GRID2: variants seen among roughly 807,000 people sequenced by gnomAD.
The protein encoded by GRID2 is glutamate ionotropic receptor delta type subunit 2, also known as glutamate receptor ionotropic, delta-2.
Under a neutral mutation model 114.8 loss-of-function variants are expected in GRID2, and 33 were observed. The observed-to-expected ratio is 0.29, with a 90% CI of 0.22 to 0.38. The LOEUF is 0.38. GRID2 is among the 10% of genes least tolerant of loss of function. GRID2 has a pLI of 1.00. For synonymous variants in GRID2, 505 were observed against 449.9 expected (o/e 1.12, Z -1.55); for missense variants, 1,184 against 1,257.7 (o/e 0.94, Z 0.89).
At chr4:93,672,837 A>G (rs1390623193) in intron 14 of GRID2, among the ~76,000 whole-genome samples, 2 of 152,234 alleles carry the variant, frequency 1.3e-5, no homozygotes, top group Non-Finnish European at 2.9e-5. Context: ...TTTGGAAAAT[A>G]AAAACATTAT....
At chr4:93,676,061 A>C (rs1440604893) in intron 14 of GRID2, among the ~76,000 whole-genome samples, 1 of 152,214 alleles carries the variant, frequency 6.6e-6, no homozygotes, top group Admixed American at 6.5e-5. Flanking sequence ...GAGTTGTCAT[A>C]TTTCAAAATA....
intron 14 of GRID2, among the ~76,000 whole-genome samples, chr4:93,706,406 T>C (rs1337619663): frequency 6.6e-6 from 1 of 152,186 alleles, no homozygotes; most frequent in Non-Finnish European, 1.5e-5. Flanking sequence ...ATCACTGTTT[T>C]ATAGTTGTTT....
intron 14 of GRID2, among the ~76,000 whole-genome samples, chr4:93,768,823 A>G (rs1190785010): frequency 6.6e-6 from 1 of 152,210 alleles, no homozygotes; most frequent in Non-Finnish European, 1.5e-5. Context: ...TAGGAAAGGG[A>G]CACAGAACTA....
chr4:93,620,017 A>G (rs1217059734), intron 13 of GRID2, among the ~76,000 whole-genome samples: 1 of 152,230 alleles, frequency 6.6e-6, no homozygotes, highest in East Asian at 1.9e-4. Flanking sequence ...TTGATCTCAC[A>G]TTCCAAATCT....
intron 1 of GRID2, among the ~76,000 whole-genome samples, chr4:92,442,776 G>GA (rs1393089802): frequency 6.6e-6 from 1 of 152,086 alleles, no homozygotes; most frequent in Non-Finnish European, 1.5e-5. Flanking sequence ...TATATTTGAT[G>GA]AAAAAGAGCC....
intron 2 of GRID2, among the ~76,000 whole-genome samples, chr4:92,767,306 C>G (rs1738314027): frequency 6.6e-6 from 1 of 152,160 alleles, no homozygotes; most frequent in South Asian, 2.1e-4. Context: ...CTGTAACTTT[C>G]AGCTGCCATG....
intron 14 of GRID2, among the ~76,000 whole-genome samples, chr4:93,699,984 A>G (rs1186194100): frequency 1.3e-5 from 2 of 152,142 alleles, no homozygotes; most frequent in African/African-American, 4.8e-5. Context: ...ATTCAACTAG[A>G]CAAAATGTGT....
intron 14 of GRID2, among the ~76,000 whole-genome samples, chr4:93,710,128 A>T (rs555021050): frequency 1.3e-5 from 2 of 152,232 alleles, no homozygotes; most frequent in East Asian, 3.9e-4. Flanking sequence ...ATACTTGTGG[A>T]TGTTTGTCAA....
intron 2 of GRID2, among the ~76,000 whole-genome samples, chr4:92,859,625 A>C (rs576894089): frequency 7.8e-4 from 119 of 152,306 alleles, no homozygotes; most frequent in African/African-American, 2.8e-3. Context: ...ACCTTGTAAA[A>C]ATTCAAACAA....
chr4:92,460,032 C>CTATATATATATATACATATATATATA (rs1553937272), intron 1 of GRID2, among the ~76,000 whole-genome samples: 6 of 48,412 alleles, frequency 1.2e-4, no homozygotes, highest in African/African-American at 6.1e-4. Flanking sequence ...ATAAATCTCA[C>CTATATATATATATACATATATATATA]TATATATATA....
intron 1 of GRID2, among the ~76,000 whole-genome samples, chr4:92,537,136 T>A (rs1200587656): frequency 6.6e-6 from 1 of 152,186 alleles, no homozygotes; most frequent in Non-Finnish European, 1.5e-5. Context: ...TAATGTTCTA[T>A]TTTTAAATAT....
chr4:93,403,422 A>C (rs2149341680), intron 9 of GRID2, among the ~76,000 whole-genome samples: 1 of 152,272 alleles, frequency 6.6e-6, no homozygotes, highest in African/African-American at 2.4e-5. Flanking sequence ...ATGAACAAAA[A>C]ACAACACTAA....
chr4:93,371,141 T>G lies in GRID2; in HGVS notation c.1246-24466T>G, dbSNP rs184108318. 4.7e-4 allele frequency among the ~76,000 whole-genome samples: 71 copies of G among 152,262 alleles called. No individual in the cohort carries two copies. In the East Asian group the frequency reaches 0.013, roughly 27 times the overall value. On this transcript the variant is annotated intron_variant, in intron 8 of 15. Coordinates refer to ENST00000282020, the MANE Select transcript of GRID2 (RefSeq NM_001510.4). ...ATCCCAAAATAGAATTGTTAAAAAA[T>G]TAGGGTTTAAGATTAAAGGCAAAGG... is the stretch of plus-strand genomic sequence containing the variant.
chr4:92,344,555 C>T (rs576473114), intron 1 of GRID2, among the ~76,000 whole-genome samples: 48 of 152,254 alleles, frequency 3.2e-4, no homozygotes, highest in African/African-American at 9.6e-4. Flanking sequence ...GGGCAGTGCT[C>T]GACAGGGACA....
At chr4:93,348,239 A>C (rs536061154) in intron 8 of GRID2, among the ~76,000 whole-genome samples, 14 of 152,174 alleles carry the variant, frequency 9.2e-5, no homozygotes, top group African/African-American at 3.4e-4. Context: ...AGGTCAAACT[A>C]TGCTGACAAA....
intron 9 of GRID2, among the ~76,000 whole-genome samples, chr4:93,414,895 A>C (rs934601131): frequency 1.3e-5 from 2 of 151,982 alleles, no homozygotes; most frequent in Non-Finnish European, 2.9e-5. Context: ...TTTTGGATAG[A>C]AATGCCACTA....
intron 4 of GRID2, among the ~76,000 whole-genome samples, chr4:93,130,991 C>G (rs2149375020): frequency 6.6e-6 from 1 of 152,148 alleles, no homozygotes; most frequent in African/African-American, 2.4e-5. Flanking sequence ...TGCATTTAAT[C>G]TTTACATTGG....
intron 13 of GRID2, among the ~76,000 whole-genome samples, chr4:93,583,803 A>G (rs1218216029): frequency 6.6e-6 from 1 of 152,154 alleles, no homozygotes; most frequent in Non-Finnish European, 1.5e-5. Context: ...CTCCAAGCTT[A>G]TACACTAGCA....
At chr4:92,675,142 TG>T (rs765020632) in intron 2 of GRID2, among the ~76,000 whole-genome samples, 3 of 152,196 alleles carry the variant, frequency 2.0e-5, no homozygotes, top group Non-Finnish European at 4.4e-5. Flanking sequence ...GCTTTTACTT[TG>T]TTAGAGCACT....
Sources: gnomAD v4.1 joint callset for allele counts (sites outside exome capture counted in the v4.1 genomes callset) on GRCh38, gnomAD v4.1.1 for gene constraint, MANE v1.5 for transcripts, NCBI Gene and HGNC (gene_info 2026-07-23, HGNC 2026-07-21) for gene names.